FAM227B: variants seen among roughly 807,000 people sequenced by gnomAD.
FAM227B encodes protein FAM227B.
Under a neutral mutation model 73.8 loss-of-function variants are expected in FAM227B, and 88 were observed. The ratio of observed to expected loss-of-function variants is 1.19; its 90% CI spans 1.00 to 1.42. The LOEUF is 1.42. Ranked by LOEUF, FAM227B falls within the 40% of genes most tolerant of loss-of-function variation. The pLI, the probability that FAM227B is intolerant of heterozygous loss-of-function variation, is 0.00. For synonymous variants in FAM227B, 210 were observed against 190.5 expected, an observed-to-expected ratio of 1.10 and a Z score of -0.84; for missense variants, 632 against 590.9, an observed-to-expected ratio of 1.07 and a Z score of -0.72.
At chr15:49,396,678 GGTCC>G (rs2047675964) in intron 11 of FAM227B, among the ~76,000 whole-genome samples, 1 of 151,520 alleles carries the variant, frequency 6.6e-6, no homozygotes, top group South Asian at 2.1e-4. Context: ...TCCTCAAGTG[GGTCC>G]CTGACCCCTG....
At chr15:49,339,387 C>G (rs947603464) in intron 13 of FAM227B, among the ~76,000 whole-genome samples, 2 of 152,132 alleles carry the variant, frequency 1.3e-5, no homozygotes, top group African/African-American at 4.8e-5. Context: ...AACAGTCAGG[C>G]CCCTCTGCTG....
chr15:49,563,598 A>T (rs2074421939), intron 9 of FAM227B, among the ~76,000 whole-genome samples: 1 of 152,208 alleles, frequency 6.6e-6, no homozygotes, highest in African/African-American at 2.4e-5. Context: ...ACTACACTAT[A>T]AGGTTACAGT....
chr15:49,428,629 T>G (rs1408916946), intron 11 of FAM227B, among the ~76,000 whole-genome samples: 1 of 151,996 alleles, frequency 6.6e-6, no homozygotes, highest in African/African-American at 2.4e-5. Context: ...GGGCACTCAG[T>G]GACCGCCTTG....
At chr15:49,350,711 T>C (rs193190469) in intron 13 of FAM227B, among the ~76,000 whole-genome samples, 3 of 152,310 alleles carry the variant, frequency 2.0e-5, no homozygotes, top group African/African-American at 7.2e-5. Flanking sequence ...TCCTGCACCA[T>C]TTGCCTTTTA....
At chr15:49,514,850 T>G (rs1174555166) in intron 10 of FAM227B, among the ~76,000 whole-genome samples, 1 of 152,146 alleles carries the variant, frequency 6.6e-6, no homozygotes, top group Non-Finnish European at 1.5e-5. Context: ...TCACAAAAAT[T>G]TCTTTCATGC....
intron 11 of FAM227B, chr15:49,484,340 G>T: frequency 6.3e-7 from 1 of 1,589,852 alleles, no homozygotes; most frequent in Non-Finnish European, 8.5e-7. Context: ...TAACTTCAAA[G>T]AACTAATTCT....
intron 11 of FAM227B, among the ~76,000 whole-genome samples, chr15:49,482,005 G>C (rs2055991972): frequency 6.6e-6 from 1 of 152,086 alleles, no homozygotes; most frequent in South Asian, 2.1e-4. Flanking sequence ...AGAATGAAGT[G>C]AAGGTATGGG....
chr15:49,374,716 C>T (rs945786113), intron 11 of FAM227B, among the ~76,000 whole-genome samples: 1 of 152,072 alleles, frequency 6.6e-6, no homozygotes, highest in African/African-American at 2.4e-5. Flanking sequence ...CTGATTTTTA[C>T]TATTTTTAGT....
intron 8 of FAM227B, among the ~76,000 whole-genome samples, chr15:49,571,131 G>GT (rs1048599157): frequency 6.6e-6 from 1 of 151,362 alleles, no homozygotes; most frequent in African/African-American, 2.4e-5. Flanking sequence ...TCTACTTTCA[G>GT]TTTTTTTGTG....
At chr15:49,365,515 G>T (rs1284274885) in intron 13 of FAM227B, 4 of 852,728 alleles carry the variant, frequency 4.7e-6, no homozygotes, top group African/African-American at 1.7e-5. Context: ...GATCAGCTTT[G>T]GTACTCTGAT....
At chr15:49,386,181 GATTTCCAGAATACAC>G in intron 11 of FAM227B, among the ~76,000 whole-genome samples, 1 of 151,478 alleles carries the variant, frequency 6.6e-6, no homozygotes, top group East Asian at 1.9e-4. Context: ...TGCTACCCAA[GATTTCCAGAATACAC>G]ATTCTTCTCA....
chr15:49,497,677 C>A (rs1365471385), intron 11 of FAM227B, among the ~76,000 whole-genome samples: 1 of 147,324 alleles, frequency 6.8e-6, no homozygotes, highest in African/African-American at 2.6e-5. Context: ...TAGTCACAAT[C>A]TAAGCAGAAG....
chr15:49,520,105 A>C (rs2059675627), intron 10 of FAM227B, among the ~76,000 whole-genome samples: 1 of 152,154 alleles, frequency 6.6e-6, no homozygotes, highest in South Asian at 2.1e-4. Context: ...GTAGGGGGAA[A>C]ATGCCATTAG....
intron 11 of FAM227B, among the ~76,000 whole-genome samples, chr15:49,448,495 T>C (rs2052422972): frequency 6.6e-6 from 1 of 151,772 alleles, no homozygotes; most frequent in Admixed American, 6.6e-5. Flanking sequence ...AAAGAGTATA[T>C]TTATTGTTTT....
intron 11 of FAM227B, among the ~76,000 whole-genome samples, chr15:49,404,381 C>T (rs950950430): frequency 6.6e-6 from 1 of 152,068 alleles, no homozygotes; most frequent in African/African-American, 2.4e-5. Context: ...CCCACTATTA[C>T]TGTATGAGAG....
At chr15:49,536,690 A>T (rs2070323532) in intron 10 of FAM227B, among the ~76,000 whole-genome samples, 1 of 152,032 alleles carries the variant, frequency 6.6e-6, no homozygotes, top group Non-Finnish European at 1.5e-5. Flanking sequence ...AATAATTTTT[A>T]AAAACTATGG....
intron 11 of FAM227B, chr15:49,424,565 G>A (rs2049963737): frequency 6.3e-7 from 1 of 1,588,854 alleles, no homozygotes; most frequent in Non-Finnish European, 8.6e-7. Context: ...AGGGACCCAA[G>A]AGATGAAGAA....
At chr15:49,592,235 G>A (rs914261946) in intron 3 of FAM227B, among the ~76,000 whole-genome samples, 2 of 152,182 alleles carry the variant, frequency 1.3e-5, no homozygotes, top group African/African-American at 4.8e-5. Context: ...AGATCCTTTG[G>A]AGAAGAGGTG....
chr15:49,615,719 G>T (rs554268800), intron 1 of FAM227B, among the ~76,000 whole-genome samples: 3 of 152,148 alleles, frequency 2.0e-5, no homozygotes, highest in Non-Finnish European at 2.9e-5. Flanking sequence ...TTATAGCAAT[G>T]TGAGAACGGA....
Sources: gnomAD v4.1 joint callset for allele counts (sites outside exome capture counted in the v4.1 genomes callset) on GRCh38, gnomAD v4.1.1 for gene constraint, MANE v1.5 for transcripts, NCBI Gene and HGNC (gene_info 2026-07-23, HGNC 2026-07-21) for gene names.